B3GALT1: variants seen among roughly 807,000 people sequenced by gnomAD.
B3GALT1 encodes the protein UDP-Gal:betaGlcNAc beta 1,3-galactosyltransferase, polypeptide 1.
In B3GALT1, 10 loss-of-function variants were observed where a neutral mutation model predicts 23.2. The ratio of observed to expected loss-of-function variants is 0.43; its 90% CI spans 0.27 to 0.73. B3GALT1 has a LOEUF of 0.73. Among genes scored for constraint, B3GALT1 ranks in the 30% least tolerant of loss-of-function variants. The pLI, the probability that B3GALT1 is intolerant of heterozygous loss-of-function variation, is 0.21. For missense variants in B3GALT1, 299 were observed against 405.4 expected (o/e 0.74, Z 2.25); for synonymous variants, 156 against 141.5 (o/e 1.10, Z -0.73).
intron 3 of B3GALT1, among the ~76,000 whole-genome samples, chr2:167,764,811 G>A (rs186942388): frequency 6.6e-6 from 1 of 152,176 alleles, no homozygotes; most frequent in East Asian, 1.9e-4. Context: ...AATAACTAAC[G>A]GCTTTCTACA....
At chr2:167,349,232 A>G (rs1439113917) in intron 1 of B3GALT1, among the ~76,000 whole-genome samples, 1 of 152,174 alleles carries the variant, frequency 6.6e-6, no homozygotes, top group African/African-American at 2.4e-5. Context: ...TAGCGTGATG[A>G]AATTTCCCAG....
chr2:167,448,752 T>A (rs1699041948), intron 1 of B3GALT1, among the ~76,000 whole-genome samples: 1 of 152,226 alleles, frequency 6.6e-6, no homozygotes, highest in African/African-American at 2.4e-5. Flanking sequence ...TTTAAGTCCT[T>A]CATTCATTTT....
At chr2:167,328,898 C>G (rs946453269) in intron 1 of B3GALT1, among the ~76,000 whole-genome samples, 4 of 152,032 alleles carry the variant, frequency 2.6e-5, no homozygotes, top group African/African-American at 9.7e-5. Context: ...CTGCAAGCTC[C>G]GCCTCCTAGA....
In B3GALT1 at chr2:167,796,886, A is replaced by G. The variant is rs77707821; in HGVS notation, c.-351-21786A>G. Among the ~76,000 whole-genome samples, 747 of 152,352 alleles carry G rather than the reference A, an allele frequency of 4.9e-3. 5 individuals carry two copies. The highest frequency in any genetic ancestry group is 0.017 in the African/African-American group (696 of 41,580). ...AGTAGACATTAACAAGCAATTAGTA[A>G]AATTAAAGATTTTTCTCCAGTGAGG... On this transcript the variant is annotated intron_variant, in intron 3 of 4. Coordinates refer to ENST00000392690, the MANE Select transcript of B3GALT1 (RefSeq NM_020981.4).
chr2:167,401,435 G>C (rs1436204175), intron 1 of B3GALT1, among the ~76,000 whole-genome samples: 1 of 152,056 alleles, frequency 6.6e-6, no homozygotes. Context: ...GTCTTCAACT[G>C]CCTTGAGATA....
Position 167,869,465 on chromosome 2 carries a change from G to A in B3GALT1, c.426G>A (p.Val142=), listed in dbSNP as rs780522242. Residue 142 remains valine, a synonymous_variant, in exon 5 of 5, where the codon GTG becomes GTA. Coordinates refer to ENST00000392690, the MANE Select transcript of B3GALT1 (RefSeq NM_020981.4). This position sits in a 1 kb window ranked among gnomAD's most constrained non-coding sequence, Gnocchi z 6.4. ...QESQIFHDII[V]EDFIDSYHNL... is the part of the protein sequence containing the mutation. ...GCCAAATCTTCCATGATATCATCGT[G>A]GAGGACTTTATTGACTCCTACCATA... 6.2e-7 allele frequency: 1 copy of A among 1,613,958 alleles called. No individual in the cohort carries two copies.
At chr2:167,818,265 G>A (rs1689037106) in intron 3 of B3GALT1, among the ~76,000 whole-genome samples, 1 of 152,182 alleles carries the variant, frequency 6.6e-6, no homozygotes, top group African/African-American at 2.4e-5. Flanking sequence ...TGGACGTTGT[G>A]ACATCATTGG....
chr2:167,663,435 C>T (rs1364607847), intron 3 of B3GALT1, among the ~76,000 whole-genome samples: 1 of 152,042 alleles, frequency 6.6e-6, no homozygotes, highest in African/African-American at 2.4e-5. Context: ...GTGCATGTGT[C>T]TTTATAGCAG....
intron 2 of B3GALT1, 43 bp downstream of exon 2, chr2:167,490,320 T>G (rs1699691325): frequency 6.6e-6 from 1 of 152,248 alleles, no homozygotes; most frequent in Non-Finnish European, 1.5e-5. Flanking sequence ...TCTGAATATT[T>G]ACAAAACTGT....
rs373233581 is a variant in B3GALT1 at position 167,798,501 on chromosome 2, A to G, written c.-351-20171A>G. 6.6e-5 allele frequency among the ~76,000 whole-genome samples: 10 copies of G among 152,302 alleles called. No individual in the cohort carries two copies. The East Asian group carries it at 1.2e-3, about 18-fold the overall frequency. On this transcript the variant is annotated intron_variant, in intron 3 of 4. Transcript: ENST00000392690. ...GGGGTCCAATTTTTATTTTCTGCAC[A>G]TGGCTAGCCAGTTCTCCCTGCACCA... is the stretch of plus-strand genomic sequence containing the variant.
intron 2 of B3GALT1, among the ~76,000 whole-genome samples, chr2:167,614,906 T>C (rs1468949106): frequency 6.6e-6 from 1 of 151,976 alleles, no homozygotes; most frequent in Non-Finnish European, 1.5e-5. Context: ...GATAGATAGA[T>C]ATATTTACTC....
chr2:167,461,105 C>A (rs555106419), intron 1 of B3GALT1, among the ~76,000 whole-genome samples: 1 of 152,268 alleles, frequency 6.6e-6, no homozygotes, highest in Admixed American at 6.5e-5. Context: ...TGATTGTCTG[C>A]ACGTCTGTGA....
chr2:167,845,557 A>G (rs1689739168), intron 4 of B3GALT1, among the ~76,000 whole-genome samples: 1 of 152,186 alleles, frequency 6.6e-6, no homozygotes, highest in Admixed American at 6.5e-5. Flanking sequence ...GGGGAGTACT[A>G]CATCAAGGGA....
intron 1 of B3GALT1, among the ~76,000 whole-genome samples, chr2:167,399,262 A>G (rs1698148261): frequency 6.6e-6 from 1 of 152,110 alleles, no homozygotes; most frequent in Non-Finnish European, 1.5e-5. Context: ...ACATCTTCAA[A>G]ACATGTGTCA....
intron 1 of B3GALT1, among the ~76,000 whole-genome samples, chr2:167,314,968 A>G (rs927249647): frequency 1.3e-5 from 2 of 152,180 alleles, no homozygotes; most frequent in African/African-American, 2.4e-5. Context: ...CAATGTGTCC[A>G]TTAGATTACC....
intron 1 of B3GALT1, among the ~76,000 whole-genome samples, chr2:167,446,186 T>C (rs753146134): frequency 2.0e-5 from 3 of 152,252 alleles, no homozygotes; most frequent in African/African-American, 4.8e-5. Flanking sequence ...ATGTTGAATA[T>C]TGGCCCCCAC....
chr2:167,826,672 C>CCACT (rs1301902552), intron 4 of B3GALT1, among the ~76,000 whole-genome samples: 1 of 152,064 alleles, frequency 6.6e-6, no homozygotes, highest in African/African-American at 2.4e-5. Context: ...ATGAATCAGC[C>CCACT]CACTGTATCC....
At chr2:167,810,583 T>C (rs1223926631) in intron 3 of B3GALT1, among the ~76,000 whole-genome samples, 1 of 151,030 alleles carries the variant, frequency 6.6e-6, no homozygotes, top group Non-Finnish European at 1.5e-5. Flanking sequence ...AATCTTAATA[T>C]AAATTTTTAC....
At chr2:167,758,931 G>A (rs1257711033) in intron 3 of B3GALT1, among the ~76,000 whole-genome samples, 3 of 152,100 alleles carry the variant, frequency 2.0e-5, no homozygotes, top group Non-Finnish European at 2.9e-5. Flanking sequence ...AGAAGCTTTC[G>A]TGATGGTAGG....
Sources: allele counts gnomAD v4.1 joint callset (sites outside exome capture counted in the v4.1 genomes callset), GRCh38; gene constraint gnomAD v4.1.1; non-coding constraint Gnocchi (gnomAD v3.1); transcripts MANE v1.5; gene names NCBI Gene and HGNC (gene_info 2026-07-23, HGNC 2026-07-21).